Variants in KCNIP4 observed in about 807,000 individuals in gnomAD.
The protein encoded by KCNIP4 is Kv channel-interacting protein 4.
A neutral mutation model predicts 34.0 loss-of-function variants in KCNIP4; 12 were observed. That is an observed-to-expected ratio of 0.35 (90% CI 0.23 to 0.57). The LOEUF (loss-of-function observed/expected upper bound fraction) is 0.57. KCNIP4 is among the 20% of genes least tolerant of loss of function. KCNIP4 has a pLI of 0.83. For synonymous variants in KCNIP4, 124 were observed against 102.2 expected (o/e 1.21, Z -1.29); for missense variants, 238 against 311.7 (o/e 0.76, Z 1.78).
At chr4:20,886,444 G>A (rs1382050556) in intron 1 of KCNIP4, among the ~76,000 whole-genome samples, 2 of 152,218 alleles carry the variant, frequency 1.3e-5, no homozygotes, top group African/African-American at 2.4e-5. Context: ...CAGGTAGCTG[G>A]TGGGTGGGAA....
chr4:21,318,935 C>T (rs554542520), intron 1 of KCNIP4, among the ~76,000 whole-genome samples: 1 of 152,042 alleles, frequency 6.6e-6, no homozygotes, highest in Admixed American at 6.6e-5. Flanking sequence ...AACATAATCC[C>T]TCCTGTTAAA....
intron 1 of KCNIP4, among the ~76,000 whole-genome samples, chr4:21,795,291 A>G (rs1720549886): frequency 6.6e-6 from 1 of 152,204 alleles, no homozygotes; most frequent in African/African-American, 2.4e-5. Flanking sequence ...GCAAGGCCTC[A>G]GAAGAAAGCA....
intron 1 of KCNIP4, among the ~76,000 whole-genome samples, chr4:21,871,768 CCCCCCACCCA>C (rs1725829444): frequency 1.2e-5 from 1 of 80,486 alleles, no homozygotes; most frequent in South Asian, 5.3e-4. Context: ...ATCCCCACCT[CCCCCCACCCA>C]CCCCCACCCC....
At chr4:21,653,998 A>C (rs551787910) in intron 1 of KCNIP4, among the ~76,000 whole-genome samples, 62 of 152,344 alleles carry the variant, frequency 4.1e-4, no homozygotes, top group Admixed American at 9.8e-4. Context: ...TACTCGAGTT[A>C]ATTTCAACAA....
chr4:21,200,350 G>GTA (rs1256253743), intron 1 of KCNIP4, among the ~76,000 whole-genome samples: 11 of 64,706 alleles, frequency 1.7e-4, no homozygotes, highest in African/African-American at 9.0e-4. Context: ...ATACATATAT[G>GTA]TGTGTATATA....
intron 1 of KCNIP4, among the ~76,000 whole-genome samples, chr4:21,043,874 A>T (rs1407569866): frequency 2.6e-5 from 4 of 152,162 alleles, no homozygotes; most frequent in Non-Finnish European, 5.9e-5. Context: ...AGAACCTCAA[A>T]TCTATTGAAC....
chr4:20,907,136 A>G (rs1374526486), intron 1 of KCNIP4, among the ~76,000 whole-genome samples: 1 of 152,212 alleles, frequency 6.6e-6, no homozygotes, highest in African/African-American at 2.4e-5. Context: ...CAAAAGACAC[A>G]CAAATATAAC....
intron 1 of KCNIP4, among the ~76,000 whole-genome samples, chr4:21,188,193 G>A (rs1755380264): frequency 6.6e-6 from 1 of 152,174 alleles, no homozygotes; most frequent in African/African-American, 2.4e-5. Context: ...GCTCCAAAGA[G>A]TTTTGTTTTA....
intron 1 of KCNIP4, among the ~76,000 whole-genome samples, chr4:21,142,054 G>A (rs1436236159): frequency 6.6e-6 from 1 of 151,206 alleles, no homozygotes; most frequent in Non-Finnish European, 1.5e-5. Context: ...GGGAGGCTGA[G>A]GCAGGAGAAT....
chr4:21,202,475 G>T (rs2108957555), intron 1 of KCNIP4, among the ~76,000 whole-genome samples: 1 of 152,146 alleles, frequency 6.6e-6, no homozygotes, highest in Non-Finnish European at 1.5e-5. Flanking sequence ...CTACCTCTTG[G>T]GTACAATGCT....
intron 3 of KCNIP4, among the ~76,000 whole-genome samples, chr4:20,793,627 G>T (rs1263775748): frequency 1.3e-5 from 2 of 152,106 alleles, no homozygotes; most frequent in East Asian, 1.9e-4. Flanking sequence ...GGGGTGGGAT[G>T]CTTTTGGGAT....
At chr4:21,022,066 A>C (rs1740121600) in intron 1 of KCNIP4, among the ~76,000 whole-genome samples, 1 of 151,996 alleles carries the variant, frequency 6.6e-6, no homozygotes, top group African/African-American at 2.4e-5. Context: ...TGGCGGCTAC[A>C]ATTTCATATG....
chr4:21,494,706 G>A (rs1054203918), intron 1 of KCNIP4, among the ~76,000 whole-genome samples: 2 of 151,146 alleles, frequency 1.3e-5, no homozygotes, highest in African/African-American at 4.9e-5. Flanking sequence ...CTGGGAGGTG[G>A]AGGTTGCGGT....
chr4:20,912,779 G>A (rs1728450857), intron 1 of KCNIP4, among the ~76,000 whole-genome samples: 1 of 152,074 alleles, frequency 6.6e-6, no homozygotes, highest in East Asian at 1.9e-4. Context: ...GCACCTGTAA[G>A]GATGCTCAAA....
chr4:21,073,195 A>T (rs1745141325), intron 1 of KCNIP4, among the ~76,000 whole-genome samples: 1 of 152,194 alleles, frequency 6.6e-6, no homozygotes, highest in Non-Finnish European at 1.5e-5. Context: ...AGTCATTGGT[A>T]GCTTGATGGG....
At chr4:20,800,615 T>C (rs1714108036) in intron 3 of KCNIP4, among the ~76,000 whole-genome samples, 1 of 152,172 alleles carries the variant, frequency 6.6e-6, no homozygotes, top group African/African-American at 2.4e-5. Context: ...AGCTAGTGAA[T>C]TTAATCAATA....
chr4:21,541,193 A>AAG (rs1487205504), intron 1 of KCNIP4, among the ~76,000 whole-genome samples: 6 of 151,392 alleles, frequency 4.0e-5, no homozygotes, highest in African/African-American at 1.5e-4. Flanking sequence ...AAAAAAAAAA[A>AAG]AAAAGAGAGA....
At chr4:21,334,072 C>CT (rs921688317) in intron 1 of KCNIP4, among the ~76,000 whole-genome samples, 13 of 151,380 alleles carry the variant, frequency 8.6e-5, no homozygotes, top group East Asian at 3.9e-4. Context: ...AAAAACTCAT[C>CT]TTTTTTTTTA....
At chr4:21,075,486 T>G (rs1007884417) in intron 1 of KCNIP4, among the ~76,000 whole-genome samples, 3 of 152,182 alleles carry the variant, frequency 2.0e-5, no homozygotes, top group Non-Finnish European at 4.4e-5. Flanking sequence ...GTTTTCCATT[T>G]GCTTGGTAGA....
Sources: allele counts gnomAD v4.1 joint callset (sites outside exome capture counted in the v4.1 genomes callset), GRCh38; gene constraint gnomAD v4.1.1; transcripts MANE v1.5; gene names NCBI Gene and HGNC (gene_info 2026-07-23, HGNC 2026-07-21).